The following MDFIC2 variants were observed in gnomAD, a reference collection of about 807,000 sequenced individuals.
MDFIC2 encodes the protein myoD family inhibitor domain-containing protein 2.
At chr3:70,216,215 A>G (rs1381499761) in intron 2 of MDFIC2, among the ~76,000 whole-genome samples, 2 of 150,548 alleles carry the variant, frequency 1.3e-5, no homozygotes, top group African/African-American at 4.9e-5. Context: ...TCTACTTTAT[A>G]TATAAATCCA....
At chr3:70,226,286 T>C (rs1430921395) in intron 2 of MDFIC2, among the ~76,000 whole-genome samples, 1 of 152,202 alleles carries the variant, frequency 6.6e-6, no homozygotes, top group Non-Finnish European at 1.5e-5. Context: ...TGCTCTTCAA[T>C]GTGTGAGAGG....
intron 2 of MDFIC2, among the ~76,000 whole-genome samples, chr3:70,247,903 C>T (rs1379334969): frequency 1.3e-5 from 2 of 151,938 alleles, no homozygotes; most frequent in Admixed American, 6.6e-5. Flanking sequence ...TTTCTGTTTT[C>T]TGTAGTAAAG....
intron 2 of MDFIC2, among the ~76,000 whole-genome samples, chr3:70,246,733 G>A (rs1033222078): frequency 1.3e-5 from 2 of 151,892 alleles, no homozygotes; most frequent in African/African-American, 2.4e-5. Flanking sequence ...TCCAAACTAC[G>A]AAAGCAAGAC....
At chr3:70,251,021 C>T (rs548063084) in intron 2 of MDFIC2, among the ~76,000 whole-genome samples, 4 of 152,306 alleles carry the variant, frequency 2.6e-5, no homozygotes, top group East Asian at 1.9e-4. Flanking sequence ...ACCATTTAAA[C>T]GCCTTTCCAG....
chr3:70,219,457 C>T (rs1701442600), intron 2 of MDFIC2, among the ~76,000 whole-genome samples: 1 of 152,110 alleles, frequency 6.6e-6, no homozygotes. Context: ...GTCACCTTAA[C>T]TGATCCAGAA....
At chr3:70,207,807 G>C (rs770474975) in intron 2 of MDFIC2, among the ~76,000 whole-genome samples, 3 of 152,002 alleles carry the variant, frequency 2.0e-5, no homozygotes, top group African/African-American at 4.8e-5. Flanking sequence ...TTTTATATTA[G>C]AGACCTGAGC....
intron 2 of MDFIC2, among the ~76,000 whole-genome samples, chr3:70,270,300 G>A (rs1305151573): frequency 6.6e-6 from 1 of 152,036 alleles, no homozygotes; most frequent in Non-Finnish European, 1.5e-5. Flanking sequence ...TTCAAAGCAT[G>A]GGAAATAAAT....
intron 2 of MDFIC2, among the ~76,000 whole-genome samples, chr3:70,291,404 C>T (rs1328154960): frequency 1.3e-5 from 2 of 152,254 alleles, no homozygotes; most frequent in South Asian, 2.1e-4. Context: ...ACAAATATAT[C>T]GTATTACTAA....
rs369942493 is a variant in MDFIC2, at chr3:70,201,024, CTT to C, written c.311-3841_311-3840del. Among the ~76,000 whole-genome samples, 11 of 147,466 alleles carry C rather than the reference CTT, an allele frequency of 7.5e-5. No individual in the cohort carries two copies. In the Admixed American group the frequency reaches 7.5e-4, roughly 10 times the overall value. Reference sequence around the variant, plus strand: ...TATATTTAGAACCTTTGTTTTGTAACTTTTTTTTTTTACTTATTTAAATTCTT... The same window carrying C: ...TATATTTAGAACCTTTGTTTTGTAACTTTTTTTTTACTTATTTAAATTCTT... On this transcript the variant is annotated intron_variant, in intron 3 of 3. Coordinates refer to ENST00000567252, the MANE Select transcript of MDFIC2 (RefSeq NM_001364677.1).
At chr3:70,198,407 A>C (rs1045304989) in intron 3 of MDFIC2, among the ~76,000 whole-genome samples, 1 of 152,176 alleles carries the variant, frequency 6.6e-6, no homozygotes, top group African/African-American at 2.4e-5. Flanking sequence ...TTTATTTTCC[A>C]GAAAGCTCTT....
In MDFIC2 at chr3:70,311,291, C is replaced by T. The variant is rs530041667; in HGVS notation, c.88+595G>A. Among the ~76,000 whole-genome samples the T allele has an allele frequency of 2.0e-5, 3 of 152,162 alleles. No individual in the cohort carries two copies. The East Asian group carries it at 5.8e-4, about 29-fold the overall frequency. On this transcript the variant is annotated intron_variant, in intron 2 of 3. Transcript: ENST00000567252. Reference sequence around the variant, plus strand: ...TCATAAAATCAAAAAATTATAAAACCGTGCCTTCTAGTAAATAATCACAGG... The same window carrying T: ...TCATAAAATCAAAAAATTATAAAACTGTGCCTTCTAGTAAATAATCACAGG...
chr3:70,262,462 A>T (rs1180139492), intron 2 of MDFIC2, among the ~76,000 whole-genome samples: 2 of 152,226 alleles, frequency 1.3e-5, no homozygotes, highest in East Asian at 3.9e-4. Flanking sequence ...AAGACCAGTT[A>T]TAGTAAATGC....
intron 3 of MDFIC2, among the ~76,000 whole-genome samples, chr3:70,202,260 G>A (rs1023080914): frequency 6.6e-6 from 1 of 152,078 alleles, no homozygotes; most frequent in African/African-American, 2.4e-5. Context: ...TTTGATAGTG[G>A]TCAGTGACTA....
chr3:70,221,907 T>A (rs1379072233), intron 2 of MDFIC2, among the ~76,000 whole-genome samples: 1 of 152,226 alleles, frequency 6.6e-6, no homozygotes, highest in Non-Finnish European at 1.5e-5. Context: ...ACCCAATAGA[T>A]AATGAGTGTT....
intron 2 of MDFIC2, among the ~76,000 whole-genome samples, chr3:70,242,481 G>A (rs1358396019): frequency 6.6e-6 from 1 of 152,096 alleles, no homozygotes; most frequent in Non-Finnish European, 1.5e-5. Flanking sequence ...GCAGTTACTT[G>A]GACAAGCATG....
chr3:70,264,958 T>C (rs897774113), intron 2 of MDFIC2, among the ~76,000 whole-genome samples: 2 of 152,116 alleles, frequency 1.3e-5, no homozygotes, highest in African/African-American at 4.8e-5. Context: ...GGAAGGTGAA[T>C]GAGGAGCAAA....
intron 3 of MDFIC2, chr3:70,205,571 C>T: frequency 6.6e-6 from 1 of 152,112 alleles, no homozygotes. Context: ...TGATCCCCAA[C>T]ATACCCCATG....
intron 2 of MDFIC2, among the ~76,000 whole-genome samples, chr3:70,249,948 A>G (rs1029948757): frequency 2.0e-5 from 3 of 152,200 alleles, no homozygotes; most frequent in Non-Finnish European, 4.4e-5. Flanking sequence ...GGCCTCTGTT[A>G]TAGCACATAA....
At chr3:70,222,955 T>C (rs529402021) in intron 2 of MDFIC2, among the ~76,000 whole-genome samples, 4 of 152,332 alleles carry the variant, frequency 2.6e-5, no homozygotes, top group Non-Finnish European at 4.4e-5. Flanking sequence ...TTATATATCA[T>C]GACCTGGAGT....
Sources: gnomAD v4.1 joint callset for allele counts (sites outside exome capture counted in the v4.1 genomes callset) on GRCh38, gnomAD v4.1.1 for gene constraint, MANE v1.5 for transcripts, NCBI Gene and HGNC (gene_info 2026-07-23, HGNC 2026-07-21) for gene names.